The following PRKG1 variants were observed in gnomAD, a reference collection of about 807,000 sequenced individuals.
PRKG1 encodes protein kinase cGMP-dependent 1, also known as cGMP-dependent protein kinase 1.
In PRKG1, 35 loss-of-function variants were observed where a neutral mutation model predicts 88.1. The ratio of observed to expected loss-of-function variants is 0.40; its 90% CI spans 0.30 to 0.53. The LOEUF (loss-of-function observed/expected upper bound fraction) is 0.53. PRKG1 is among the 20% of genes least tolerant of loss of function. The pLI is 0.59. For synonymous variants in PRKG1, 303 were observed against 292.5 expected (o/e 1.04, Z -0.37); for missense variants, 540 against 839.8 (o/e 0.64, Z 4.41).
chr10:51,602,430 GT>G (rs533861359), intron 3 of PRKG1, among the ~76,000 whole-genome samples: 3 of 151,478 alleles, frequency 2.0e-5, no homozygotes, highest in Non-Finnish European at 1.5e-5. Context: ...GTCACTTTGG[GT>G]TTTTTTTCTT....
chr10:52,094,939 T>G (rs1291214472), intron 7 of PRKG1, among the ~76,000 whole-genome samples: 1 of 152,238 alleles, frequency 6.6e-6, no homozygotes, highest in African/African-American at 2.4e-5. Flanking sequence ...GCATTTGAAT[T>G]GGAGTGTTTT....
chr10:51,689,382 A>G (rs1374791319), intron 3 of PRKG1, among the ~76,000 whole-genome samples: 2 of 152,186 alleles, frequency 1.3e-5, no homozygotes, highest in Non-Finnish European at 2.9e-5. Context: ...ATGCATATTC[A>G]TATATTATAA....
At chr10:51,688,223 A>G in intron 3 of PRKG1, among the ~76,000 whole-genome samples, 1 of 151,852 alleles carries the variant, frequency 6.6e-6, no homozygotes, top group East Asian at 1.9e-4. Context: ...GCAGGCTTTG[A>G]TTCAGCAGGT....
At chr10:52,139,493 G>T (rs760860248) in intron 8 of PRKG1, among the ~76,000 whole-genome samples, 3 of 152,034 alleles carry the variant, frequency 2.0e-5, no homozygotes, top group Non-Finnish European at 2.9e-5. Flanking sequence ...CGTTTATTCA[G>T]ATATTCAACT....
In PRKG1 at chr10:52,072,605, A is replaced by G. The variant is rs548826645; in HGVS notation, c.935+9974A>G. Among the ~76,000 whole-genome samples, 13 of 152,294 alleles carry G rather than the reference A, an allele frequency of 8.5e-5. 1 individual carries two copies. The South Asian group carries it at 2.3e-3, about 27-fold the overall frequency. On this transcript the variant is annotated intron_variant, in intron 7 of 17. Transcript: ENST00000373980. ...TTTCTTTCCAACTCCAATCAAGTCT[A>G]TTCTTTTTCAAGTGAATATTACATG...
chr10:52,182,754 G>T (rs979991430), intron 9 of PRKG1, among the ~76,000 whole-genome samples: 28 of 149,396 alleles, frequency 1.9e-4, no homozygotes, highest in Non-Finnish European at 3.3e-4. Context: ...TAGATATGCG[G>T]CATTATTTCT....
intron 3 of PRKG1, among the ~76,000 whole-genome samples, chr10:51,724,562 T>C (rs908747563): frequency 5.3e-5 from 8 of 152,250 alleles, no homozygotes; most frequent in African/African-American, 1.9e-4. Context: ...ATGATTATTA[T>C]TCTTTAAATT....
At chr10:52,193,299 C>T (rs1418235028) in intron 9 of PRKG1, among the ~76,000 whole-genome samples, 1 of 152,020 alleles carries the variant, frequency 6.6e-6, no homozygotes, top group Non-Finnish European at 1.5e-5. Flanking sequence ...AATCCCAGCA[C>T]TTTGGGAAGC....
At chr10:51,048,481 T>A (rs889269304) in intron 1 of PRKG1, among the ~76,000 whole-genome samples, 5 of 152,202 alleles carry the variant, frequency 3.3e-5, no homozygotes, top group African/African-American at 7.2e-5. Flanking sequence ...GTTTCTCTGA[T>A]TAATTCTTTA....
chr10:51,487,228 T>C (rs559880430), intron 3 of PRKG1, among the ~76,000 whole-genome samples: 1 of 152,318 alleles, frequency 6.6e-6, no homozygotes, highest in South Asian at 2.1e-4. Context: ...CTTCTGCATC[T>C]TGCAATTAAG....
At chr10:52,205,829 C>G (rs1007049310) in intron 9 of PRKG1, among the ~76,000 whole-genome samples, 2 of 152,106 alleles carry the variant, frequency 1.3e-5, no homozygotes, top group Non-Finnish European at 2.9e-5. Context: ...TTCCTTCTCT[C>G]TAGCTGCTTA....
At chr10:52,193,337 G>A (rs1209238146) in intron 9 of PRKG1, among the ~76,000 whole-genome samples, 2 of 151,810 alleles carry the variant, frequency 1.3e-5, no homozygotes, top group African/African-American at 4.8e-5. Context: ...CTGAGGTCAG[G>A]AGTTTGAGAC....
intron 7 of PRKG1, among the ~76,000 whole-genome samples, chr10:52,122,726 A>T (rs1847848423): frequency 6.6e-6 from 1 of 152,220 alleles, no homozygotes; most frequent in Admixed American, 6.5e-5. Flanking sequence ...TACCCTAACA[A>T]GAAAGAAACT....
At chr10:52,000,340 T>A (rs1463884348) in intron 5 of PRKG1, among the ~76,000 whole-genome samples, 1 of 151,952 alleles carries the variant, frequency 6.6e-6, no homozygotes, top group African/African-American at 2.4e-5. Flanking sequence ...TATATATAAT[T>A]TCAACAGATG....
intron 3 of PRKG1, among the ~76,000 whole-genome samples, chr10:51,565,158 T>A (rs1315537912): frequency 1.3e-5 from 2 of 152,118 alleles, no homozygotes; most frequent in African/African-American, 4.8e-5. Context: ...AACAATAGTC[T>A]ACTGCTGCCC....
intron 3 of PRKG1, among the ~76,000 whole-genome samples, chr10:51,581,934 T>TA (rs559693897): frequency 3.2e-3 from 468 of 147,034 alleles, no homozygotes; most frequent in Non-Finnish European, 3.9e-3. Flanking sequence ...ATAAGTACAT[T>TA]AAAAAAAAAA....
intron 9 of PRKG1, among the ~76,000 whole-genome samples, chr10:52,220,740 AC>A (rs1478911600): frequency 6.6e-6 from 1 of 152,080 alleles, no homozygotes; most frequent in East Asian, 1.9e-4. Context: ...CCTGCAGAGG[AC>A]AGGATTTCAT....
intron 3 of PRKG1, among the ~76,000 whole-genome samples, chr10:51,746,048 C>T (rs1489619173): frequency 6.6e-6 from 1 of 152,126 alleles, no homozygotes; most frequent in Admixed American, 6.5e-5. Context: ...CTAGGTCTTG[C>T]TTTGTTGCCC....
In PRKG1 at chr10:51,149,244, T is replaced by G. The variant is rs140497715; in HGVS notation, c.312-3920T>G. 5.0e-3 allele frequency among the ~76,000 whole-genome samples: 766 copies of G among 152,258 alleles called. 11 individuals are homozygous for G. The highest frequency in any genetic ancestry group is 0.017 in the African/African-American group (705 of 41,560). ...AATCTGAACTAGCCTTCCCTACACC[T>G]TGAAATAACCCTACTGTTATTTACA... is the stretch of plus-strand genomic sequence containing the variant. On this transcript the variant is annotated intron_variant, in intron 1 of 17. Coordinates refer to ENST00000373980, the MANE Select transcript of PRKG1 (RefSeq NM_006258.4).
Sources: allele counts gnomAD v4.1 joint callset (sites outside exome capture counted in the v4.1 genomes callset), GRCh38; gene constraint gnomAD v4.1.1; transcripts MANE v1.5; gene names NCBI Gene and HGNC (gene_info 2026-07-23, HGNC 2026-07-21).